The following GABRB3 variants were observed in gnomAD, a reference collection of about 807,000 sequenced individuals.
The protein encoded by GABRB3 is gamma-aminobutyric acid receptor subunit beta-3.
In GABRB3, 14 loss-of-function variants were observed where a neutral mutation model predicts 52.1. The observed-to-expected ratio is 0.27, with a 90% CI of 0.18 to 0.42. GABRB3 has a LOEUF of 0.42. GABRB3 is among the 10% of genes least tolerant of loss of function. GABRB3 has a pLI of 1.00. For synonymous variants in GABRB3, 260 were observed against 232.3 expected (o/e 1.12, Z -1.08); for missense variants, 307 against 609.1 (o/e 0.50, Z 5.22).
Position 26,760,887 on chromosome 15 carries a change from G to A in GABRB3, c.240+11515C>T, listed in dbSNP as rs1008006582. Among the ~76,000 whole-genome samples the A allele has an allele frequency of 5.3e-5, 8 of 151,290 alleles. 1 individual carries two copies. The East Asian group carries it at 1.2e-3, about 22-fold the overall frequency. Reference sequence around the variant, plus strand: ...TATTTTTGAATCTCTTTGAATTTCCGGATCTGCTTTCATTTACTCACCCAT... The same window carrying A: ...TATTTTTGAATCTCTTTGAATTTCCAGATCTGCTTTCATTTACTCACCCAT... On this transcript the variant is annotated intron_variant, in intron 3 of 8. Coordinates refer to ENST00000311550, the MANE Select transcript of GABRB3 (RefSeq NM_000814.6).
chr15:26,772,788 G>A lies in GABRB3; in HGVS notation c.81-16C>T, dbSNP rs769413892. ...ATCGTTCACACTGGGGGAGGGACGGGGAGCACAAAGAGCGGGGTCAGGGGC... is the reference window on the plus strand; with the variant it reads ...ATCGTTCACACTGGGGGAGGGACGGAGAGCACAAAGAGCGGGGTCAGGGGC... On this transcript the variant is annotated splice_polypyrimidine_tract_variant and intron_variant, in intron 1 of 8. Transcript: ENST00000311550. 1.2e-5 allele frequency: 18 copies of A among 1,537,870 alleles called. No individual in the cohort carries two copies. The Admixed American group carries it at 1.9e-4, about 16-fold the overall frequency.
intron 6 of GABRB3, among the ~76,000 whole-genome samples, chr15:26,568,024 C>T (rs1890245010): frequency 6.6e-6 from 1 of 152,224 alleles, no homozygotes; most frequent in Non-Finnish European, 1.5e-5. Flanking sequence ...CAGAATAATG[C>T]CAAATACCTT....
chr15:26,631,116 G>A (rs1023094984), intron 3 of GABRB3, among the ~76,000 whole-genome samples: 24 of 152,190 alleles, frequency 1.6e-4, no homozygotes, highest in African/African-American at 4.1e-4. Flanking sequence ...TGAGTGCCGG[G>A]AGCAGGCATT....
At chr15:26,563,702 C>A (rs896411395) in intron 7 of GABRB3, among the ~76,000 whole-genome samples, 3 of 152,188 alleles carry the variant, frequency 2.0e-5, no homozygotes, top group Admixed American at 6.5e-5. Context: ...TCGGTAGCCT[C>A]TAGGCTTCCT....
intron 8 of GABRB3, among the ~76,000 whole-genome samples, chr15:26,554,743 T>G (rs1315501062): frequency 6.6e-6 from 1 of 152,180 alleles, no homozygotes; most frequent in Non-Finnish European, 1.5e-5. Context: ...CAAAGCTTGC[T>G]GGGCACATGG....
At chr15:26,649,121 A>T (rs1887110169) in intron 3 of GABRB3, among the ~76,000 whole-genome samples, 1 of 152,220 alleles carries the variant, frequency 6.6e-6, no homozygotes, top group Non-Finnish European at 1.5e-5. Context: ...GGTGAGAAGC[A>T]TTGCTACGAT....
rs550941586 is a variant in GABRB3 at position 26,590,460 on chromosome 15, G to A, written c.462-7046C>T. Among the ~76,000 whole-genome samples the A allele has an allele frequency of 3.3e-5, 5 of 152,180 alleles. No homozygotes were observed. The South Asian group carries it at 6.2e-4, about 19-fold the overall frequency. On this transcript the variant is annotated intron_variant, in intron 4 of 8. Transcript: ENST00000311550. ...CAACTCACTCTCATCTTCATTCATC[G>A]TTCCTCTGATGCAGGATGCACTGGC...
intron 4 of GABRB3, among the ~76,000 whole-genome samples, chr15:26,607,690 C>G (rs1264684463): frequency 6.6e-6 from 1 of 151,728 alleles, no homozygotes; most frequent in Non-Finnish European, 1.5e-5. Flanking sequence ...ACTAAACTAT[C>G]TGAAAAAAAT....
chr15:26,632,400 A>G (rs1566784459), intron 3 of GABRB3, among the ~76,000 whole-genome samples: 1 of 152,238 alleles, frequency 6.6e-6, no homozygotes, highest in Admixed American at 6.5e-5. Flanking sequence ...GTGAAAAGAG[A>G]TATAAGTCTC....
At chr15:26,733,991 A>G (rs1002579042) in intron 3 of GABRB3, among the ~76,000 whole-genome samples, 1 of 151,922 alleles carries the variant, frequency 6.6e-6, no homozygotes, top group African/African-American at 2.4e-5. Context: ...AAATAGGTAA[A>G]AAACCTAAAT....
chr15:26,623,786 C>T (rs533001227), intron 3 of GABRB3, among the ~76,000 whole-genome samples: 101 of 152,050 alleles, frequency 6.6e-4, no homozygotes, highest in Admixed American at 1.1e-3. Flanking sequence ...CTGCACACCC[C>T]GTGTCACCCA....
At chr15:26,720,292 C>T (rs563372461) in intron 3 of GABRB3, among the ~76,000 whole-genome samples, 43 of 152,296 alleles carry the variant, frequency 2.8e-4, no homozygotes, top group African/African-American at 7.2e-4. Flanking sequence ...ACCTTTATTG[C>T]TCACACAAAG....
At chr15:26,617,320 T>C (rs888062959) in intron 4 of GABRB3, among the ~76,000 whole-genome samples, 2 of 152,114 alleles carry the variant, frequency 1.3e-5, no homozygotes, top group Non-Finnish European at 2.9e-5. Flanking sequence ...TCCAACATGA[T>C]AAAGTGGGGT....
At chr15:26,606,404 AT>A (rs1343630575) in intron 4 of GABRB3, among the ~76,000 whole-genome samples, 1 of 152,130 alleles carries the variant, frequency 6.6e-6, no homozygotes, top group Non-Finnish European at 1.5e-5. Flanking sequence ...TATCTCATGT[AT>A]CCCATGAATA....
intron 8 of GABRB3, among the ~76,000 whole-genome samples, chr15:26,554,144 G>GTATATATATATATATATATAAAGTA (rs547570760): frequency 2.2e-4 from 7 of 32,306 alleles, no homozygotes; most frequent in South Asian, 9.9e-4. Context: ...TATATATAAA[G>GTATATATATATATATATATAAAGTA]TATATATATA....
intron 3 of GABRB3, among the ~76,000 whole-genome samples, chr15:26,755,287 G>T (rs1188131900): frequency 6.6e-6 from 1 of 152,066 alleles, no homozygotes; most frequent in Non-Finnish European, 1.5e-5. Context: ...TTACAGGTGT[G>T]AGCCACCGCA....
chr15:26,723,116 G>A (rs1889686501), intron 3 of GABRB3, among the ~76,000 whole-genome samples: 1 of 152,162 alleles, frequency 6.6e-6, no homozygotes, highest in African/African-American at 2.4e-5. Flanking sequence ...AAAGGGGTAA[G>A]GGTAGAGGTC....
intron 3 of GABRB3, among the ~76,000 whole-genome samples, chr15:26,771,477 A>G (rs1163504159): frequency 6.6e-6 from 1 of 152,212 alleles, no homozygotes; most frequent in African/African-American, 2.4e-5. Flanking sequence ...TTGCCAAACA[A>G]TTTCTTCCAA....
At chr15:26,562,176 T>C (rs543937437) in intron 7 of GABRB3, among the ~76,000 whole-genome samples, 207 of 152,270 alleles carry the variant, frequency 1.4e-3, no homozygotes, top group Middle Eastern at 3.4e-3. Flanking sequence ...ACGCTGCGCT[T>C]ACAGGAAAGG....
Sources: allele counts gnomAD v4.1 joint callset (sites outside exome capture counted in the v4.1 genomes callset), GRCh38; gene constraint gnomAD v4.1.1; transcripts MANE v1.5; gene names NCBI Gene and HGNC (gene_info 2026-07-23, HGNC 2026-07-21).